The following TMTC2 variants were observed in gnomAD, a reference collection of about 807,000 sequenced individuals.
TMTC2 encodes the protein protein O-mannosyl-transferase TMTC2.
TMTC2 carries 43 observed loss-of-function variants against 82.4 expected under a neutral mutation model. That is an observed-to-expected ratio of 0.52 (90% CI 0.41 to 0.67). The LOEUF is 0.67. Ranked by LOEUF, TMTC2 falls within the 30% of genes least tolerant of loss-of-function variation. The pLI, the probability that TMTC2 is intolerant of heterozygous loss-of-function variation, is 0.00. For synonymous variants in TMTC2, 408 were observed against 381.9 expected (o/e 1.07, Z -0.80); for missense variants, 919 against 1,012.4 (o/e 0.91, Z 1.25).
chr12:83,117,184 G>A (rs1272130774), intron 11 of TMTC2, among the ~76,000 whole-genome samples: 1 of 152,066 alleles, frequency 6.6e-6, no homozygotes, highest in Admixed American at 6.6e-5. Flanking sequence ...TGAACAGGGT[G>A]TTCTTTCCCC....
At chr12:82,937,785 TATATATATATACAC>T (rs1445618112) in intron 4 of TMTC2, among the ~76,000 whole-genome samples, 244 of 24,040 alleles carry the variant, frequency 0.01, 7 homozygotes, top group African/African-American at 0.031. Flanking sequence ...TATATATATA[TATATATATATACAC>T]ACATATATAT....
At chr12:82,935,125 T>TA (rs1032043278) in intron 4 of TMTC2, among the ~76,000 whole-genome samples, 4 of 151,970 alleles carry the variant, frequency 2.6e-5, no homozygotes, top group Middle Eastern at 3.4e-3. Context: ...AGAATTTTGG[T>TA]AAAAAAAATA....
chr12:82,783,396 CCTT>C (rs1056319666), intron 1 of TMTC2, among the ~76,000 whole-genome samples: 1 of 151,682 alleles, frequency 6.6e-6, no homozygotes, highest in African/African-American at 2.4e-5. Flanking sequence ...CCTCTTGTCT[CCTT>C]CTCATATAAA....
At chr12:82,843,022 G>T (rs1294078066) in intron 1 of TMTC2, among the ~76,000 whole-genome samples, 4 of 152,214 alleles carry the variant, frequency 2.6e-5, no homozygotes, top group Non-Finnish European at 5.9e-5. Context: ...ATAACAGGGA[G>T]AGCAGTAGAC....
chr12:82,892,199 C>T (rs1010454163), intron 2 of TMTC2, among the ~76,000 whole-genome samples: 2 of 152,074 alleles, frequency 1.3e-5, no homozygotes, highest in Non-Finnish European at 2.9e-5. Flanking sequence ...GTTAGTTGTT[C>T]AAATGAGGGA....
intron 3 of TMTC2, among the ~76,000 whole-genome samples, chr12:82,927,779 T>TTA (rs1441331423): frequency 4.6e-5 from 7 of 152,176 alleles, no homozygotes; most frequent in African/African-American, 1.7e-4. Context: ...AGCACAAAGA[T>TTA]TAAGACTCAC....
At chr12:82,993,237 C>A (rs1178232800) in intron 8 of TMTC2, among the ~76,000 whole-genome samples, 2 of 152,158 alleles carry the variant, frequency 1.3e-5, no homozygotes, top group Admixed American at 1.3e-4. Context: ...CCCACTTTGG[C>A]CTCCCAAAGT....
intron 1 of TMTC2, among the ~76,000 whole-genome samples, chr12:82,846,355 CT>C (rs946870828): frequency 5.3e-5 from 8 of 151,686 alleles, no homozygotes; most frequent in African/African-American, 1.7e-4. Context: ...GAGACTCTGT[CT>C]TTTTTTTAAA....
chr12:82,769,169 GC>G (rs1384228303), intron 1 of TMTC2, among the ~76,000 whole-genome samples: 1 of 151,556 alleles, frequency 6.6e-6, no homozygotes, highest in Non-Finnish European at 1.5e-5. Context: ...TACTTTAAGA[GC>G]AACTTAAGAT....
intron 1 of TMTC2, among the ~76,000 whole-genome samples, chr12:82,831,350 A>G (rs1226327118): frequency 1.3e-5 from 2 of 152,222 alleles, no homozygotes; most frequent in Non-Finnish European, 2.9e-5. Flanking sequence ...AGGTCACCCA[A>G]AATGGGAAGG....
At chr12:83,031,027 A>C (rs558530276) in intron 9 of TMTC2, 148 bp downstream of exon 9, 122 of 576,594 alleles carry the variant, frequency 2.1e-4, no homozygotes, top group African/African-American at 1.7e-3. Context: ...CTACCTTCTC[A>C]TTCAAAACAG....
chr12:82,732,306 T>C (rs1213557642), intron 1 of TMTC2, among the ~76,000 whole-genome samples: 2 of 152,164 alleles, frequency 1.3e-5, no homozygotes, highest in African/African-American at 4.8e-5. Flanking sequence ...TACTGTTTCA[T>C]TGAAGAATAG....
chr12:83,123,662 A>G (rs1022129268), intron 11 of TMTC2, among the ~76,000 whole-genome samples: 1 of 152,182 alleles, frequency 6.6e-6, no homozygotes, highest in Non-Finnish European at 1.5e-5. Flanking sequence ...ACTGCTGACA[A>G]CTTAATCCCC....
chr12:83,054,289 G>A (rs1387047442), intron 10 of TMTC2, among the ~76,000 whole-genome samples: 1 of 152,042 alleles, frequency 6.6e-6, no homozygotes, highest in Non-Finnish European at 1.5e-5. Context: ...AAAGAAATAG[G>A]TAAGTAGAAA....
At chr12:82,720,135 C>T (rs73155488) in intron 1 of TMTC2, among the ~76,000 whole-genome samples, 17,647 of 152,108 alleles carry the variant, frequency 0.12, 1,301 homozygotes, top group Non-Finnish European at 0.17. Flanking sequence ...AGTATATTCA[C>T]AGGTGTCTGT....
At chr12:83,018,061 A>G (rs1229519383) in intron 8 of TMTC2, among the ~76,000 whole-genome samples, 1 of 149,778 alleles carries the variant, frequency 6.7e-6, no homozygotes, top group African/African-American at 2.4e-5. Context: ...ATATATATAT[A>G]TATAAAATTA....
At chr12:82,904,292 C>G (rs1874176785) in intron 3 of TMTC2, among the ~76,000 whole-genome samples, 1 of 152,130 alleles carries the variant, frequency 6.6e-6, no homozygotes, top group South Asian at 2.1e-4. Flanking sequence ...TGGAATACTT[C>G]AGTCTACCAT....
At chr12:83,122,724 G>T (rs558085684) in intron 11 of TMTC2, among the ~76,000 whole-genome samples, 1 of 152,256 alleles carries the variant, frequency 6.6e-6, no homozygotes, top group South Asian at 2.1e-4. Flanking sequence ...GGGTATGTGG[G>T]TCCTCTCAGA....
At chr12:82,744,197 G>A (rs927157807) in intron 1 of TMTC2, among the ~76,000 whole-genome samples, 3 of 152,142 alleles carry the variant, frequency 2.0e-5, no homozygotes, top group Non-Finnish European at 2.9e-5. Flanking sequence ...CGAGGCGGGC[G>A]GATTGTGAGG....
Sources: gnomAD v4.1 joint callset for allele counts (sites outside exome capture counted in the v4.1 genomes callset) on GRCh38, gnomAD v4.1.1 for gene constraint, MANE v1.5 for transcripts, NCBI Gene and HGNC (gene_info 2026-07-23, HGNC 2026-07-21) for gene names.